Variants in BRIP1 observed in about 807,000 individuals in gnomAD.
BRIP1 encodes the protein Fanconi anemia group J protein.
BRIP1 carries 88 observed loss-of-function variants against 119.7 expected under a neutral mutation model. The ratio of observed to expected loss-of-function variants is 0.74; its 90% CI spans 0.62 to 0.88. The LOEUF is 0.88. Among genes scored for constraint, BRIP1 ranks in the 40% least tolerant of loss-of-function variants. BRIP1 has a pLI of 0.00. For synonymous variants in BRIP1, 443 were observed against 496.5 expected, an observed-to-expected ratio of 0.89 and a Z score of 1.43; for missense variants, 1,259 against 1,455.4, an observed-to-expected ratio of 0.87 and a Z score of 2.20.
intron 17 of BRIP1, 129 bp downstream of exon 17, chr17:61,715,822 A>G (rs764192698): frequency 5.3e-6 from 3 of 562,952 alleles, no homozygotes; most frequent in Non-Finnish European, 9.1e-6. Flanking sequence ...CATTGAATAC[A>G]TACCAGTTCC....
rs1375323537 is a variant in BRIP1 at position 61,805,940 on chromosome 17, C to G, written c.918+2527G>C. 2.0e-5 allele frequency among the ~76,000 whole-genome samples: 3 copies of G among 152,202 alleles called. No individual in the cohort carries two copies. The highest frequency in any genetic ancestry group is 3.8e-4 in the East Asian group (2 of 5,204). ...AATATTTCAGAATTGTCATTCCTGA[C>G]TCTAGTTAAAATTATTTTTTCTTAA... On this transcript the variant is annotated intron_variant, in intron 7 of 19. Coordinates refer to ENST00000259008, the MANE Select transcript of BRIP1 (RefSeq NM_032043.3). The surrounding 1 kb of genome is among the most constrained non-coding windows in gnomAD (Gnocchi z 5.6).
Position 61,689,393 on chromosome 17 carries a change from A to G in BRIP1, c.2576-3228T>C, listed in dbSNP as rs536768947. ...AAGTAAAAAACAAAATGGAAAAAAA[A>G]AAGTGAAGGCTTATGGCTTCATTTA... is the stretch of plus-strand genomic sequence containing the variant. On this transcript the variant is annotated intron_variant, in intron 18 of 19. Transcript: ENST00000259008. The surrounding 1 kb of genome is among the most constrained non-coding windows in gnomAD (Gnocchi z 4.5). Among the ~76,000 whole-genome samples, 16 of 152,264 alleles carry G rather than the reference A, an allele frequency of 1.1e-4. No homozygotes were observed. The East Asian group carries it at 3.1e-3, about 29-fold the overall frequency.
intron 17 of BRIP1, among the ~76,000 whole-genome samples, chr17:61,697,745 C>A (rs900498695): frequency 2.7e-5 from 4 of 150,612 alleles, no homozygotes; most frequent in African/African-American, 9.8e-5. Flanking sequence ...TTTCCTAATT[C>A]CTTAAGGAGG....
In BRIP1 at chr17:61,726,941, G is replaced by A. The variant is rs1296310140; in HGVS notation, c.2380-10878C>T. On this transcript the variant is annotated intron_variant, in intron 16 of 19. Coordinates refer to ENST00000259008, the MANE Select transcript of BRIP1 (RefSeq NM_032043.3). The surrounding 1 kb of genome is among the most constrained non-coding windows in gnomAD (Gnocchi z 6.2). ...AGTTTTTCTTGTTAAAGTCACATAT[G>A]AGAGCCCGATAACTGTGAATAAACT... Among the ~76,000 whole-genome samples the A allele has an allele frequency of 1.3e-5, 2 of 152,206 alleles. No homozygotes were observed. Among genetic ancestry groups the A allele is most frequent in the East Asian group, 3.9e-4 (2 of 5,186 alleles).
chr17:61,758,325 T>G lies in BRIP1; in HGVS notation c.2098-13734A>C, dbSNP rs994677836. Among the ~76,000 whole-genome samples, 12 of 152,316 alleles carry G rather than the reference T, an allele frequency of 7.9e-5. No individual in the cohort carries two copies. Among genetic ancestry groups the G allele is most frequent in the African/African-American group, 2.9e-4 (12 of 41,580 alleles). On this transcript the variant is annotated intron_variant, in intron 14 of 19. Transcript: ENST00000259008. This position sits in a 1 kb window ranked among gnomAD's most constrained non-coding sequence, Gnocchi z 5.3. ...AAAGGCAACTCGTTTTCTATACTTC[T>G]GTAAATGGGCTAATAATTAAACTAT... is the stretch of plus-strand genomic sequence containing the variant.
Position 61,848,285 on chromosome 17 carries a change from C to T in BRIP1, c.507+844G>A, listed in dbSNP as rs555526325. On this transcript the variant is annotated intron_variant, in intron 5 of 19. Transcript: ENST00000259008. This position sits in a 1 kb window ranked among gnomAD's most constrained non-coding sequence, Gnocchi z 4.3. ...CTTCAACTCCTAGGCTTGAGCAATCCTCCTATCTCAGCCTCCCAAGTAGCT... is the reference window on the plus strand; with the variant it reads ...CTTCAACTCCTAGGCTTGAGCAATCTTCCTATCTCAGCCTCCCAAGTAGCT... 2.0e-5 allele frequency among the ~76,000 whole-genome samples: 3 copies of T among 152,280 alleles called. No individual in the cohort carries two copies. In the South Asian group the frequency reaches 6.2e-4, roughly 32 times the overall value.
chr17:61,835,815 C>A (rs1414476933), intron 6 of BRIP1, among the ~76,000 whole-genome samples: 1 of 152,042 alleles, frequency 6.6e-6, no homozygotes, highest in Non-Finnish European at 1.5e-5. Flanking sequence ...GACACTGGGA[C>A]AACTGATCAA....
chr17:61,775,727 C>T lies in BRIP1; in HGVS notation c.2097+674G>A, dbSNP rs1253292761. ...ACGAAGAAAGTTTGGCTTAGATTAA[C>T]TTTAATGAAACCTTCAGAAATGTAA... On this transcript the variant is annotated intron_variant, in intron 14 of 19. Transcript: ENST00000259008. This position sits in a 1 kb window ranked among gnomAD's most constrained non-coding sequence, Gnocchi z 4.4. 6.6e-6 allele frequency among the ~76,000 whole-genome samples: 1 copy of T among 152,116 alleles called. No individual in the cohort carries two copies. The highest frequency in any genetic ancestry group is 1.5e-5 in the Non-Finnish European group (1 of 68,008).
Position 61,689,026 on chromosome 17 carries a change from CTGTTATGTTATGTTA to C in BRIP1, c.2576-2876_2576-2862del, listed in dbSNP as rs142198967. ...TACTTTATTTTATATATTTTATATT[CTGTTATGTTATGTTA>C]TGTTATGTTATGTTATTTTTTTGAG... is the stretch of plus-strand genomic sequence containing the variant. On this transcript the variant is annotated intron_variant, in intron 18 of 19. Transcript: ENST00000259008. This position sits in a 1 kb window ranked among gnomAD's most constrained non-coding sequence, Gnocchi z 4.5. 6.9e-6 allele frequency among the ~76,000 whole-genome samples: 1 copy of C among 145,598 alleles called. No individual in the cohort carries two copies. The highest frequency in any genetic ancestry group is 1.5e-5 in the Non-Finnish European group (1 of 67,116).
chr17:61,685,812 G>T, intron 19 of BRIP1, 24 bp downstream of exon 19: 1 of 1,558,980 alleles, frequency 6.4e-7, no homozygotes, highest in Non-Finnish European at 8.8e-7. Flanking sequence ...TCTATCAAAG[G>T]TAAATGGGAA....
rs1345968606 is a variant in BRIP1 at position 61,808,986 on chromosome 17, C to A, written c.628-229G>T. Among the ~76,000 whole-genome samples the A allele has an allele frequency of 5.9e-5, 9 of 152,142 alleles. No homozygotes were observed. The highest frequency in any genetic ancestry group is 1.3e-4 in the Non-Finnish European group (9 of 68,016). On this transcript the variant is annotated intron_variant, in intron 6 of 19. Coordinates refer to ENST00000259008, the MANE Select transcript of BRIP1 (RefSeq NM_032043.3). This position sits in a 1 kb window ranked among gnomAD's most constrained non-coding sequence, Gnocchi z 4.1. ...TAAATGATATTTCCAAATTTGCATT[C>A]TTTCCAACATACCACTCTAACTCTC...
At chr17:61,836,421 C>T (rs74839037) in intron 6 of BRIP1, among the ~76,000 whole-genome samples, 21,414 of 152,118 alleles carry the variant, frequency 0.14, 2,072 homozygotes, top group East Asian at 0.57. Context: ...TGGCCAAAAA[C>T]TATTTTTAAA....
chr17:61,701,173 T>C lies in BRIP1; in HGVS notation c.2493-7661A>G, dbSNP rs2061608171. On this transcript the variant is annotated intron_variant, in intron 17 of 19. Coordinates refer to ENST00000259008, the MANE Select transcript of BRIP1 (RefSeq NM_032043.3). This position sits in a 1 kb window ranked among gnomAD's most constrained non-coding sequence, Gnocchi z 5.1. ...TCTGGGTTTCCTCAGGGAGAGTTTC[T>C]ATTATTTTTTTCTCTTAGTTATACT... is the stretch of plus-strand genomic sequence containing the variant. Among the ~76,000 whole-genome samples, 1 of 152,198 alleles carries C rather than the reference T, an allele frequency of 6.6e-6. No individual in the cohort carries two copies. The highest frequency in any genetic ancestry group is 2.4e-5 in the African/African-American group (1 of 41,444).
At chr17:61,698,816 G>C (rs1325573568) in intron 17 of BRIP1, among the ~76,000 whole-genome samples, 1 of 151,938 alleles carries the variant, frequency 6.6e-6, no homozygotes, top group Non-Finnish European at 1.5e-5. Context: ...CTGGGCTCAG[G>C]TGATTCTCCC....
Position 61,825,745 on chromosome 17 carries a change from C to G in BRIP1, c.628-16988G>C, listed in dbSNP as rs925871495. On this transcript the variant is annotated intron_variant, in intron 6 of 19. Coordinates refer to ENST00000259008, the MANE Select transcript of BRIP1 (RefSeq NM_032043.3). The surrounding 1 kb of genome is among the most constrained non-coding windows in gnomAD (Gnocchi z 4.1). ...ACTACAAAGCACTGCTTGAAGAAAT[C>G]AGAGATTTCTTACAAACAAATGAAA... Among the ~76,000 whole-genome samples, 1 of 151,812 alleles carries G rather than the reference C, an allele frequency of 6.6e-6. No homozygotes were observed. Among genetic ancestry groups the G allele is most frequent in the African/African-American group, 2.4e-5 (1 of 41,318 alleles).
At chr17:61,788,623 G>A (rs2145196113) in intron 10 of BRIP1, among the ~76,000 whole-genome samples, 1 of 152,194 alleles carries the variant, frequency 6.6e-6, no homozygotes, top group African/African-American at 2.4e-5. Flanking sequence ...ACAGAATGGT[G>A]GAACACAATC....
In BRIP1 at chr17:61,686,222, A is replaced by G; in HGVS notation, c.2576-57T>C. On this transcript the variant is annotated intron_variant, in intron 18 of 19. Coordinates refer to ENST00000259008, the MANE Select transcript of BRIP1 (RefSeq NM_032043.3). The surrounding 1 kb of genome is among the most constrained non-coding windows in gnomAD (Gnocchi z 5.4). The stretch of plus-strand genomic sequence containing the variant: ...GGTTACTTAGTTATTAAAATATTAC[A>G]TGCTAAGGTAATACACTTGCTTTTT... 2.1e-6 allele frequency: 3 copies of G among 1,443,860 alleles called. No individual in the cohort carries two copies. In the Admixed American group the frequency reaches 5.0e-5, roughly 24 times the overall value. The allele number at this position is 1,443,860 out of a possible 1,614,324, so 89.4% of individuals were successfully genotyped here.
Position 61,804,571 on chromosome 17 carries a change from G to A in BRIP1, c.919-3097C>T, listed in dbSNP as rs1179602463. ...GCCCAGCTAATTTTTTGTATTTTTA[G>A]TAGAGACAGGTTTTGCCATGTTGGC... On this transcript the variant is annotated intron_variant, in intron 7 of 19. Transcript: ENST00000259008. This position sits in a 1 kb window ranked among gnomAD's most constrained non-coding sequence, Gnocchi z 4.5. Among the ~76,000 whole-genome samples, 1 of 151,800 alleles carries A rather than the reference G, an allele frequency of 6.6e-6. No homozygotes were observed. Among genetic ancestry groups the A allele is most frequent in the Non-Finnish European group, 1.5e-5 (1 of 67,952 alleles).
rs527725180 is a variant in BRIP1 at position 61,798,024 on chromosome 17, C to T, written c.1340+1076G>A. On this transcript the variant is annotated intron_variant, in intron 9 of 19. Coordinates refer to ENST00000259008, the MANE Select transcript of BRIP1 (RefSeq NM_032043.3). The surrounding 1 kb of genome is among the most constrained non-coding windows in gnomAD (Gnocchi z 5.5). ...ATTACAAATATGTCTATGCTTTCAC[C>T]CAACAATTCCACTTCTAAAAAGATT... 6.6e-6 allele frequency among the ~76,000 whole-genome samples: 1 copy of T among 151,978 alleles called. No individual in the cohort carries two copies. The highest frequency in any genetic ancestry group is 1.5e-5 in the Non-Finnish European group (1 of 67,884).
Sources: allele counts gnomAD v4.1 joint callset (sites outside exome capture counted in the v4.1 genomes callset), GRCh38; gene constraint gnomAD v4.1.1; non-coding constraint Gnocchi (gnomAD v3.1); transcripts MANE v1.5; gene names NCBI Gene and HGNC (gene_info 2026-07-23, HGNC 2026-07-21).